CCDC146: variants seen among roughly 807,000 people sequenced by gnomAD.
CCDC146 encodes the protein coiled-coil domain-containing protein 146.
A neutral mutation model predicts 119.3 loss-of-function variants in CCDC146; 92 were observed. That is an observed-to-expected ratio of 0.77 (90% CI 0.65 to 0.92). The LOEUF (loss-of-function observed/expected upper bound fraction) is 0.92, where lower values mean the gene tolerates loss of function less well. Among genes scored for constraint, CCDC146 ranks in the 40% least tolerant of loss-of-function variants. The probability of loss-of-function intolerance (pLI) is 0.00; values close to 1 mark genes in which losing one functional copy is unlikely to be tolerated. For missense variants in CCDC146, 1,000 were observed against 1,103.0 expected (o/e 0.91, Z 1.32); for synonymous variants, 372 against 371.8 (o/e 1.00, Z -0.01).
intron 1 of CCDC146, among the ~76,000 whole-genome samples, chr7:77,142,432 C>G (rs895883118): frequency 6.7e-6 from 1 of 148,884 alleles, no homozygotes; most frequent in Non-Finnish European, 1.5e-5. Flanking sequence ...TATACATGTG[C>G]CATGTGTACA....
At chr7:77,291,118 T>C (rs1167105857) in intron 17 of CCDC146, among the ~76,000 whole-genome samples, 1 of 152,156 alleles carries the variant, frequency 6.6e-6, no homozygotes, top group Non-Finnish European at 1.5e-5. Flanking sequence ...AAGAGTACAT[T>C]CTTATGGGAT....
intron 1 of CCDC146, among the ~76,000 whole-genome samples, chr7:77,161,229 T>C (rs1333067317): frequency 6.6e-6 from 1 of 152,150 alleles, no homozygotes; most frequent in Non-Finnish European, 1.5e-5. Flanking sequence ...GTCAGTGTGG[T>C]GATTCCTCAA....
At chr7:77,198,315 A>C (rs951674131) in intron 2 of CCDC146, 1 of 985,284 alleles carries the variant, frequency 1.0e-6, no homozygotes, top group Non-Finnish European at 1.2e-6. Context: ...CCTCACGTTC[A>C]TGGTAAGTAG....
At chr7:77,236,182 A>G (rs1488415907) in intron 2 of CCDC146, among the ~76,000 whole-genome samples, 2 of 152,184 alleles carry the variant, frequency 1.3e-5, no homozygotes, top group African/African-American at 4.8e-5. Context: ...ACCTAATACA[A>G]ATGCTCATTG....
chr7:77,180,564 G>C (rs1791571020), intron 2 of CCDC146, among the ~76,000 whole-genome samples: 1 of 152,108 alleles, frequency 6.6e-6, no homozygotes, highest in African/African-American at 2.4e-5. Flanking sequence ...TGGATGTAGT[G>C]GCGTGTGCCT....
At position 77,286,870 on chromosome 7, in the gene CCDC146, C is replaced by G. The variant is rs768291542; in HGVS notation, c.2221C>G (p.Arg741Gly). The change falls in exon 16 of 19, where the codon CGC becomes GGC. Residue 741 changes from arginine to glycine, a missense_variant. By Grantham distance (125) the Arg-to-Gly change is moderately radical. Transcript: ENST00000285871. ...FVKPDGENRA[R>G]FLPGKDLTEK... ...AAAGCCTGATGGTGAGAATAGAGCT[C>G]GCTTCCTTCCAGGGAAAGATCTGAC... is the stretch of plus-strand genomic sequence containing the variant. 7 of 1,614,018 alleles carry G rather than the reference C, an allele frequency of 4.3e-6. No individual in the cohort carries two copies. Among genetic ancestry groups the G allele is most frequent in the Non-Finnish European group, 5.9e-6 (7 of 1,179,888 alleles).
chr7:77,222,427 T>G (rs978784567), intron 2 of CCDC146, among the ~76,000 whole-genome samples: 1 of 152,180 alleles, frequency 6.6e-6, no homozygotes, highest in African/African-American at 2.4e-5. Flanking sequence ...GACTTTGTTG[T>G]GGGGAGCACC....
At chr7:77,175,197 C>T (rs1396816067) in intron 2 of CCDC146, among the ~76,000 whole-genome samples, 1 of 151,146 alleles carries the variant, frequency 6.6e-6, no homozygotes, top group Non-Finnish European at 1.5e-5. Flanking sequence ...TGCTGTGAGC[C>T]AAAATCAAAA....
chr7:77,256,536 A>C (rs773140646), intron 6 of CCDC146, 27 bp downstream of exon 6: 6 of 1,568,304 alleles, frequency 3.8e-6, no homozygotes, highest in Non-Finnish European at 5.2e-6. Flanking sequence ...TGATATTTAA[A>C]CATTGTGCCT....
chr7:77,239,158 G>A (rs1178111934), intron 3 of CCDC146, among the ~76,000 whole-genome samples: 1 of 152,180 alleles, frequency 6.6e-6, no homozygotes, highest in African/African-American at 2.4e-5. Context: ...TGGGTAAGTT[G>A]CGATTTGTGT....
At chr7:77,235,813 T>C (rs1466718393) in intron 2 of CCDC146, among the ~76,000 whole-genome samples, 5 of 152,150 alleles carry the variant, frequency 3.3e-5, no homozygotes, top group African/African-American at 4.8e-5. Flanking sequence ...TTCACGCCTG[T>C]AATTTCAGCA....
intron 4 of CCDC146, among the ~76,000 whole-genome samples, chr7:77,250,785 G>A (rs1793041692): frequency 6.8e-6 from 1 of 146,186 alleles, no homozygotes. Flanking sequence ...TATGCCTTTT[G>A]TAGTTGTCCC....
At chr7:77,167,058 A>G (rs1469054060) in intron 1 of CCDC146, among the ~76,000 whole-genome samples, 2 of 152,214 alleles carry the variant, frequency 1.3e-5, no homozygotes, top group Non-Finnish European at 2.9e-5. Flanking sequence ...CATTAAAAGA[A>G]CAGCAGAACT....
chr7:77,286,634 C>T (rs943115298), intron 15 of CCDC146, among the ~76,000 whole-genome samples, 164 bp from the exon 16 acceptor site: 6 of 152,148 alleles, frequency 3.9e-5, no homozygotes, highest in African/African-American at 1.4e-4. Context: ...GCAGAAACGT[C>T]ACTTAACCAG....
At chr7:77,255,524 C>T (rs1412354009) in intron 5 of CCDC146, 2 of 152,142 alleles carry the variant, frequency 1.3e-5, no homozygotes, top group African/African-American at 2.4e-5. Flanking sequence ...GTATGCCAAA[C>T]CATCATTTAC....
intron 1 of CCDC146, among the ~76,000 whole-genome samples, chr7:77,133,115 G>A (rs1261638545): frequency 6.6e-6 from 1 of 151,354 alleles, no homozygotes; most frequent in Non-Finnish European, 1.5e-5. Context: ...AGGTTGCGGT[G>A]AACCGAGATC....
At chr7:77,131,300 A>T (rs1790782658) in intron 1 of CCDC146, among the ~76,000 whole-genome samples, 2 of 152,058 alleles carry the variant, frequency 1.3e-5, no homozygotes, top group Admixed American at 1.3e-4. Flanking sequence ...ATCGCCAAAA[A>T]CCTTGAAACA....
intron 2 of CCDC146, among the ~76,000 whole-genome samples, chr7:77,231,549 C>T (rs1359693193): frequency 1.3e-5 from 2 of 151,884 alleles, no homozygotes; most frequent in Non-Finnish European, 2.9e-5. Flanking sequence ...ACAAGTTTAC[C>T]GATTGATTCT....
At position 77,278,980 on chromosome 7, in the gene CCDC146, AG is replaced by A; in HGVS notation, c.1574del (p.Arg525LysfsTer15). On this transcript the variant is annotated frameshift_variant, in exon 13 of 19. Coordinates refer to ENST00000285871, the MANE Select transcript of CCDC146 (RefSeq NM_020879.3). LOFTEE classifies it high-confidence loss of function. Reference protein sequence around the residue: ...AKLYDTIRNERNKFVNLLHKA... With the variant: ...AKLYDTIRNEXNKFVNLLHKA... ...ACTGTATGACACCATTCGAAATGAA[AG>A]AAACAAATTTGTTAACTTACTCCAC... 6.2e-7 allele frequency: 1 copy of A among 1,612,306 alleles called. No homozygotes were observed.
Sources: allele counts gnomAD v4.1 joint callset (sites outside exome capture counted in the v4.1 genomes callset), GRCh38; gene constraint gnomAD v4.1.1; transcripts MANE v1.5; gene names NCBI Gene and HGNC (gene_info 2026-07-23, HGNC 2026-07-21).